PCDH9: variants seen among roughly 807,000 people sequenced by gnomAD.
PCDH9 encodes the protein protocadherin 9.
Under a neutral mutation model 70.6 loss-of-function variants are expected in PCDH9, and 24 were observed. That is an observed-to-expected ratio of 0.34 (90% confidence interval 0.25 to 0.48). PCDH9 has a LOEUF of 0.48. Ranked by LOEUF, PCDH9 falls within the 20% of genes least tolerant of loss-of-function variation. PCDH9 has a pLI of 0.99. For missense variants in PCDH9, 1,281 were observed against 1,503.6 expected (o/e 0.85, Z 2.45); for synonymous variants, 562 against 558.5 (o/e 1.01, Z -0.09).
chr13:66,539,077 G>T (rs1378100209), intron 4 of PCDH9, among the ~76,000 whole-genome samples: 1 of 151,910 alleles, frequency 6.6e-6, no homozygotes, highest in African/African-American at 2.4e-5. Context: ...CAAAATATAT[G>T]TACATATATA....
chr13:66,484,240 G>T (rs1321809174), intron 4 of PCDH9, among the ~76,000 whole-genome samples: 1 of 152,142 alleles, frequency 6.6e-6, no homozygotes, highest in Non-Finnish European at 1.5e-5. Context: ...GTTAACACCA[G>T]CTGCCTATAG....
chr13:66,717,451 C>CA (rs1246391058), intron 3 of PCDH9, among the ~76,000 whole-genome samples: 1 of 50,456 alleles, frequency 2.0e-5, no homozygotes, highest in African/African-American at 1.1e-4. Context: ...GACTCTGTCT[C>CA]AAAAAAAAAA....
At chr13:66,823,690 T>C (rs998943842) in intron 3 of PCDH9, among the ~76,000 whole-genome samples, 5 of 152,146 alleles carry the variant, frequency 3.3e-5, no homozygotes, top group Admixed American at 3.3e-4. Flanking sequence ...ACTTGTCCTG[T>C]CCTCAAAATG....
chr13:66,580,477 G>T (rs761195085), intron 4 of PCDH9, among the ~76,000 whole-genome samples: 18 of 152,002 alleles, frequency 1.2e-4, no homozygotes, highest in Non-Finnish European at 2.6e-4. Context: ...AACCTTGAAT[G>T]AAGTGCCTAA....
In PCDH9 at chr13:66,469,666, A is replaced by G. The variant is rs149415646; in HGVS notation, c.3340+161544T>C. On this transcript the variant is annotated intron_variant, in intron 4 of 4. Coordinates refer to ENST00000377865, the MANE Select transcript of PCDH9 (RefSeq NM_203487.3). ...TATTATATTTTTAAAATTATAAAAT[A>G]GTCCATCAAGGTGTGATTACAGTGC... Among the ~76,000 whole-genome samples the G allele has an allele frequency of 7.9e-3, 1,203 of 152,268 alleles. 8 individuals carry two copies. The highest frequency in any genetic ancestry group is 0.024 in the Middle Eastern group (7 of 294).
chr13:67,160,546 C>G (rs922948511), intron 2 of PCDH9, among the ~76,000 whole-genome samples: 4 of 136,648 alleles, frequency 2.9e-5, no homozygotes, highest in Admixed American at 2.2e-4. Context: ...GACTCCGTCT[C>G]AAAAAAAAAA....
chr13:67,135,146 T>G (rs557472353), intron 2 of PCDH9, among the ~76,000 whole-genome samples: 2 of 152,282 alleles, frequency 1.3e-5, no homozygotes, highest in South Asian at 4.1e-4. Flanking sequence ...GTTTTGTCAA[T>G]TAAGTTTTAA....
chr13:66,811,765 C>T (rs61959201), intron 3 of PCDH9, among the ~76,000 whole-genome samples: 53,413 of 107,890 alleles, frequency 0.5, 10,796 homozygotes, highest in Middle Eastern at 0.57. Flanking sequence ...TTTTCTTTCT[C>T]TCTCTCTCTC....
intron 2 of PCDH9, among the ~76,000 whole-genome samples, chr13:67,099,121 C>T (rs1252963334): frequency 1.3e-5 from 2 of 152,144 alleles, no homozygotes; most frequent in Admixed American, 6.5e-5. Flanking sequence ...CCAAAGAGTA[C>T]AGTCAATTTA....
chr13:66,415,557 A>G (rs2138334351), intron 4 of PCDH9, among the ~76,000 whole-genome samples: 1 of 152,240 alleles, frequency 6.6e-6, no homozygotes, highest in South Asian at 2.1e-4. Context: ...TTTGCTACAC[A>G]ATGTTCTACC....
Position 66,779,855 on chromosome 13 carries a change from A to C in PCDH9, c.3138+123649T>G, listed in dbSNP as rs1233790148. Among the ~76,000 whole-genome samples the C allele has an allele frequency of 3.2e-4, 18 of 56,752 alleles. No individual in the cohort carries two copies. In the South Asian group the frequency reaches 4.5e-3, roughly 14 times the overall value. The allele number at this position is 56,752 out of a possible 152,430, so 37.2% of individuals were successfully genotyped here. On this transcript the variant is annotated intron_variant, in intron 3 of 4. Coordinates refer to ENST00000377865, the MANE Select transcript of PCDH9 (RefSeq NM_203487.3). Reference sequence around the variant, plus strand: ...TCTCTCTCTCTCTCTCTCTCTATATATATATATATATACATATATGTGTGT... The same window carrying C: ...TCTCTCTCTCTCTCTCTCTCTATATCTATATATATATACATATATGTGTGT...
intron 2 of PCDH9, chr13:67,215,473 T>C (rs999130573): frequency 4.6e-5 from 7 of 152,188 alleles, no homozygotes; most frequent in Non-Finnish European, 5.9e-5. Context: ...TGTTTAGAAG[T>C]AATAAATCAA....
chr13:66,789,310 TCC>T, intron 3 of PCDH9, among the ~76,000 whole-genome samples: 1 of 152,220 alleles, frequency 6.6e-6, no homozygotes, highest in Admixed American at 6.5e-5. Context: ...CAAGGCAATC[TCC>T]CCCGTGGCTA....
chr13:66,591,245 C>T (rs2077035641), intron 4 of PCDH9, among the ~76,000 whole-genome samples: 1 of 151,582 alleles, frequency 6.6e-6, no homozygotes, highest in Non-Finnish European at 1.5e-5. Context: ...ACATAATAAA[C>T]CAGTGATATA....
intron 3 of PCDH9, among the ~76,000 whole-genome samples, chr13:66,878,199 TTTA>T (rs1194856594): frequency 6.6e-6 from 1 of 151,604 alleles, no homozygotes; most frequent in East Asian, 1.9e-4. Flanking sequence ...GGACTAATTT[TTTA>T]TTATTATTAT....
At chr13:66,534,478 G>C (rs1248813777) in intron 4 of PCDH9, among the ~76,000 whole-genome samples, 1 of 151,996 alleles carries the variant, frequency 6.6e-6, no homozygotes, top group Non-Finnish European at 1.5e-5. Context: ...GGGCAAGACA[G>C]CTCTCAGGGG....
intron 4 of PCDH9, among the ~76,000 whole-genome samples, chr13:66,372,802 A>T (rs1956680275): frequency 6.6e-6 from 1 of 151,870 alleles, no homozygotes. Context: ...CTGATTGGAC[A>T]TTAGGAGTAA....
At chr13:67,153,232 G>T (rs534325962) in intron 2 of PCDH9, among the ~76,000 whole-genome samples, 1 of 151,802 alleles carries the variant, frequency 6.6e-6, no homozygotes, top group Admixed American at 6.6e-5. Context: ...TGCGATCATG[G>T]CTCACTATAG....
intron 2 of PCDH9, among the ~76,000 whole-genome samples, chr13:67,168,029 C>T (rs778911777): frequency 1.3e-5 from 2 of 152,094 alleles, no homozygotes; most frequent in African/African-American, 4.8e-5. Flanking sequence ...TGATAGATAA[C>T]AAAAGCTCAA....
Sources: allele counts gnomAD v4.1 joint callset (sites outside exome capture counted in the v4.1 genomes callset), GRCh38; gene constraint gnomAD v4.1.1; transcripts MANE v1.5; gene names NCBI Gene and HGNC (gene_info 2026-07-23, HGNC 2026-07-21).